Variants in RIT2 observed in about 807,000 individuals in gnomAD.
The protein encoded by RIT2 is GTP-binding protein Rit2.
RIT2 carries 24 observed loss-of-function variants against 23.7 expected under a neutral mutation model. The ratio of observed to expected loss-of-function variants is 1.01; its 90% CI spans 0.73 to 1.43. The LOEUF is 1.43. RIT2 is among the 40% of genes most tolerant of loss of function. RIT2 has a pLI of 0.00. For synonymous variants in RIT2, 107 were observed against 91.1 expected (o/e 1.17, Z -0.99); for missense variants, 236 against 266.9 (o/e 0.88, Z 0.81).
intron 4 of RIT2, among the ~76,000 whole-genome samples, chr18:42,848,022 C>T (rs1167018224): frequency 4.0e-5 from 6 of 151,336 alleles, no homozygotes; most frequent in African/African-American, 1.5e-4. Flanking sequence ...CATTACCCAG[C>T]TGCTGGAAAT....
At chr18:43,015,257 T>C (rs1202751329) in intron 2 of RIT2, among the ~76,000 whole-genome samples, 1 of 151,554 alleles carries the variant, frequency 6.6e-6, no homozygotes, top group African/African-American at 2.4e-5. Context: ...AATGATAGCA[T>C]AGCTAAGAGA....
intron 2 of RIT2, among the ~76,000 whole-genome samples, chr18:42,975,885 T>G (rs534278630): frequency 6.6e-5 from 10 of 152,182 alleles, no homozygotes; most frequent in Admixed American, 6.6e-5. Context: ...TTCAAGATCT[T>G]TCTTCTATTT....
At chr18:43,081,340 A>G (rs961611796) in intron 1 of RIT2, among the ~76,000 whole-genome samples, 7 of 152,152 alleles carry the variant, frequency 4.6e-5, no homozygotes, top group African/African-American at 1.4e-4. Flanking sequence ...AAGCTTCATA[A>G]TAACTGTAAT....
At chr18:43,112,806 T>C (rs2144255467) in intron 1 of RIT2, among the ~76,000 whole-genome samples, 1 of 152,264 alleles carries the variant, frequency 6.6e-6, no homozygotes, top group South Asian at 2.1e-4. Context: ...TTAAAAATTA[T>C]AGTCACCATA....
chr18:42,916,416 T>C (rs1307622599), intron 4 of RIT2, among the ~76,000 whole-genome samples: 1 of 152,154 alleles, frequency 6.6e-6, no homozygotes, highest in African/African-American at 2.4e-5. Context: ...TTCAAGGCTC[T>C]CTTAGGCAGA....
chr18:42,832,043 T>C (rs769344898), intron 4 of RIT2, among the ~76,000 whole-genome samples: 2 of 152,132 alleles, frequency 1.3e-5, no homozygotes, highest in African/African-American at 2.4e-5. Context: ...ATTTTTATAC[T>C]TGAGTTGCTA....
chr18:43,017,116 C>T (rs889439632), intron 2 of RIT2, among the ~76,000 whole-genome samples: 11 of 151,812 alleles, frequency 7.2e-5, no homozygotes, highest in African/African-American at 1.2e-4. Flanking sequence ...AAGTACTGAG[C>T]GGTATGTTAC....
chr18:42,846,539 T>C (rs1906914163), intron 4 of RIT2, among the ~76,000 whole-genome samples: 1 of 151,970 alleles, frequency 6.6e-6, no homozygotes, highest in Non-Finnish European at 1.5e-5. Context: ...TGCCAAAATC[T>C]TAAATAAAAT....
At chr18:43,025,801 G>A (rs937392135) in intron 2 of RIT2, among the ~76,000 whole-genome samples, 3 of 152,048 alleles carry the variant, frequency 2.0e-5, no homozygotes, top group Admixed American at 1.3e-4. Flanking sequence ...AACATAAAGA[G>A]TGTGATAATA....
chr18:42,909,442 C>T (rs1908710279), intron 4 of RIT2, among the ~76,000 whole-genome samples: 2 of 152,192 alleles, frequency 1.3e-5, no homozygotes, highest in South Asian at 4.1e-4. Context: ...AATCAAAACA[C>T]ACCTTTACCC....
intron 1 of RIT2, among the ~76,000 whole-genome samples, chr18:43,078,257 C>A (rs1913071362): frequency 6.6e-6 from 1 of 152,168 alleles, no homozygotes. Flanking sequence ...CATCTCCATT[C>A]TCTACAAACC....
At chr18:42,833,855 AT>A (rs2144013222) in intron 4 of RIT2, among the ~76,000 whole-genome samples, 1 of 152,248 alleles carries the variant, frequency 6.6e-6, no homozygotes, top group African/African-American at 2.4e-5. Context: ...ATAAAATAAA[AT>A]AAAAACACAG....
intron 2 of RIT2, among the ~76,000 whole-genome samples, chr18:43,010,282 G>T (rs2144253155): frequency 6.6e-6 from 1 of 151,866 alleles, no homozygotes; most frequent in East Asian, 1.9e-4. Context: ...CTAATAGAAA[G>T]GAATTAATGT....
intron 2 of RIT2, among the ~76,000 whole-genome samples, chr18:43,015,989 G>C (rs1450122112): frequency 6.6e-6 from 1 of 151,824 alleles, no homozygotes; most frequent in African/African-American, 2.4e-5. Context: ...CTTCCAGTTA[G>C]TTAACTTGGT....
rs191350237 is a variant in RIT2 at position 42,907,612 on chromosome 18, A to T, written c.426+15960T>A. On this transcript the variant is annotated intron_variant, in intron 4 of 4. Transcript: ENST00000326695. ...AAATTCACTGGTACCAAAAACCAGA[A>T]AAAATCACAATATGAATGAGAAAAG... 1.6e-3 allele frequency among the ~76,000 whole-genome samples: 238 copies of T among 152,316 alleles called. 7 individuals are homozygous for T. The highest frequency in any genetic ancestry group is 0.015 in the Admixed American group (235 of 15,278).
At chr18:42,927,455 G>T (rs549706019) in intron 3 of RIT2, among the ~76,000 whole-genome samples, 1 of 151,342 alleles carries the variant, frequency 6.6e-6, no homozygotes, top group Non-Finnish European at 1.5e-5. Flanking sequence ...AGAGATTTGA[G>T]CAAAATCTCT....
intron 4 of RIT2, among the ~76,000 whole-genome samples, chr18:42,807,977 G>T (rs1905731721): frequency 6.6e-6 from 1 of 152,168 alleles, no homozygotes; most frequent in Non-Finnish European, 1.5e-5. Context: ...CTAGTTCCTG[G>T]CATATGTGGA....
intron 2 of RIT2, among the ~76,000 whole-genome samples, chr18:43,009,807 C>T (rs891052409): frequency 1.3e-5 from 2 of 151,698 alleles, no homozygotes; most frequent in African/African-American, 4.8e-5. Flanking sequence ...ATCTCACATG[C>T]TGGTATCTCT....
At chr18:42,851,104 A>T (rs1249821353) in intron 4 of RIT2, among the ~76,000 whole-genome samples, 3 of 152,190 alleles carry the variant, frequency 2.0e-5, no homozygotes, top group African/African-American at 7.2e-5. Flanking sequence ...AACTTTACCT[A>T]ATCTTGTCAA....
Sources: gnomAD v4.1 joint callset for allele counts (sites outside exome capture counted in the v4.1 genomes callset) on GRCh38, gnomAD v4.1.1 for gene constraint, MANE v1.5 for transcripts, NCBI Gene and HGNC (gene_info 2026-07-23, HGNC 2026-07-21) for gene names.